OSR1: variants seen among roughly 807,000 people sequenced by gnomAD.
The protein encoded by OSR1 is odd-skipped related transcription factor 1.
OSR1 carries 3 observed loss-of-function variants against 15.7 expected under a neutral mutation model. The observed-to-expected ratio is 0.19, with a 90% CI of 0.09 to 0.50. The LOEUF (loss-of-function observed/expected upper bound fraction) is 0.50. OSR1 is among the 20% of genes least tolerant of loss of function. OSR1 has a pLI of 0.97. For synonymous variants in OSR1, 166 were observed against 152.7 expected, an observed-to-expected ratio of 1.09 and a Z score of -0.64; for missense variants, 271 against 351.1, an observed-to-expected ratio of 0.77 and a Z score of 1.82.
At chr2:19,348,356 G>C (rs372579040), downstream of OSR1, 1 of 154,432 alleles carries the variant, frequency 6.5e-6, no homozygotes, top group East Asian at 1.9e-4. Context: ...ATGTTAGCCC[G>C]AGGCGGGGCC....
intron 2 of OSR1, among the ~76,000 whole-genome samples, chr2:19,352,764 G>C (rs1442081227): frequency 6.6e-6 from 1 of 152,206 alleles, no homozygotes; most frequent in Non-Finnish European, 1.5e-5. Context: ...CCGCTAGCAT[G>C]TGTGCTTATT....
At chr2:19,345,921 G>C in the OSR1 span, among the ~76,000 whole-genome samples, 1 of 152,172 alleles carries the variant, frequency 6.6e-6, no homozygotes, top group Non-Finnish European at 1.5e-5. Flanking sequence ...CAAATTCTCT[G>C]GAAGTTCATT....
chr2:19,354,532 C>T (rs1368527337), intron 1 of OSR1: 2 of 152,176 alleles, frequency 1.3e-5, no homozygotes, highest in African/African-American at 4.8e-5. Flanking sequence ...GGCTGACCTT[C>T]GATTTGGCTT....
downstream of OSR1, among the ~76,000 whole-genome samples, chr2:19,349,567 A>G (rs1407171715): frequency 6.6e-6 from 1 of 152,180 alleles, no homozygotes; most frequent in African/African-American, 2.4e-5. Context: ...GGGTTTTCAC[A>G]GTGCTGGAGG....
At chr2:19,353,933 C>G (rs537519448) in intron 1 of OSR1, 96 bp from the exon 2 acceptor site, 1 of 1,004,312 alleles carries the variant, frequency 1.0e-6, no homozygotes, top group South Asian at 1.7e-5. Context: ...CACACCCTCT[C>G]CTCACACCCA....
intron 1 of OSR1, 21 bp from the exon 2 acceptor site, chr2:19,353,858 C>A: frequency 6.5e-7 from 1 of 1,541,628 alleles, no homozygotes; most frequent in Non-Finnish European, 8.8e-7. Flanking sequence ...AAGAAGAAGG[C>A]AGGGGCGTGG....
Position 19,358,605 on chromosome 2 carries a change from G to T in OSR1, c.-297C>A, listed in dbSNP as rs900763794. 1 of 152,224 alleles carries T rather than the reference G, an allele frequency of 6.6e-6. No individual in the cohort carries two copies. Among genetic ancestry groups the T allele is most frequent in the African/African-American group, 2.4e-5 (1 of 41,452 alleles). 9.4% of individuals were successfully genotyped at this position (152,224 alleles called of 1,614,324 possible). ...GCAGCTGAGAACGTGCCGGGGAGAG[G>T]CCGAGCTCCGACTCACTCATCCCTT... On this transcript the variant is annotated 5_prime_UTR_variant, in exon 1 of 3. Transcript: ENST00000272223.
At position 19,353,402 on chromosome 2, in the gene OSR1, C is replaced by T. The variant is rs1018830654; in HGVS notation, c.404G>A (p.Gly135Asp). Residue 135 changes from glycine to aspartate, a missense_variant, in exon 2 of 3, where the codon GGT becomes GAT. Gly to Asp is a moderately conservative substitution (Grantham distance 94). This residue lies in a region of OSR1 where 210 missense variants were observed against 218.4 expected (regional missense o/e 0.96). Transcript: ENST00000272223. ...AGGGGAGCCTGGGCCCTCCCCGCGA[C>T]CGAGCTTGGCCGGATCTTCTTGCGT... ...AATQEDPAKL[G>D]RGEGPGSPAG... 2.5e-6 allele frequency: 4 copies of T among 1,614,072 alleles called. No individual in the cohort carries two copies. The highest frequency in any genetic ancestry group is 2.5e-6 in the Non-Finnish European group (3 of 1,180,008).
the OSR1 span, among the ~76,000 whole-genome samples, chr2:19,346,011 T>A: frequency 6.6e-6 from 1 of 152,178 alleles, no homozygotes; most frequent in East Asian, 1.9e-4. Flanking sequence ...ATGCCCCCTA[T>A]AAAGTTTATC....
intron 2 of OSR1, 67 bp downstream of exon 2, chr2:19,353,074 C>T (rs1664871381): frequency 3.8e-6 from 6 of 1,563,746 alleles, no homozygotes; most frequent in African/African-American, 1.4e-5. Flanking sequence ...TCAAGAACCT[C>T]GTTAGGGAGA....
intron 1 of OSR1, 184 bp from the exon 2 acceptor site, chr2:19,354,021 G>C: frequency 1.7e-6 from 1 of 584,524 alleles, no homozygotes; most frequent in South Asian, 2.3e-5. Context: ...TAAGACGCAG[G>C]GGAGCCCTCT....
rs1465700251 is a variant in OSR1 at position 19,351,615 on chromosome 2, G to T, written c.*660C>A. On this transcript the variant is annotated 3_prime_UTR_variant, in exon 3 of 3. Coordinates refer to ENST00000272223, the MANE Select transcript of OSR1 (RefSeq NM_145260.3). The stretch of plus-strand genomic sequence containing the variant: ...CCGGCTCTTGGCTGGCTGCTCCCTC[G>T]CAGTGTCGCGGCAGCGGAGGCCGGG... The T allele has an allele frequency of 1.3e-5, 2 of 152,440 alleles. No homozygotes were observed. Among genetic ancestry groups the T allele is most frequent in the East Asian group, 3.9e-4 (2 of 5,188 alleles). The allele number at this position is 152,440 out of a possible 1,614,324, so 9.4% of individuals were successfully genotyped here.
chr2:19,353,302 A>G lies in OSR1; in HGVS notation c.504T>C (p.Pro168=), dbSNP rs1452835386. 6.2e-7 allele frequency: 1 copy of G among 1,614,238 alleles called. No homozygotes were observed. Among genetic ancestry groups the G allele is most frequent in the East Asian group, 2.2e-5 (1 of 44,872 alleles). The stretch of plus-strand genomic sequence containing the variant: ...AGACGAATTCCTTCTTGGTCTTGGA[A>G]GGCAGACGTCCCCTTGTGGGCTTCT... ...PEKKPTRGRL[P]SKTKKEFVCK... is the part of the protein sequence containing the mutation. The change falls in exon 2 of 3, where the codon CCT becomes CCC. Residue 168 remains proline, a synonymous_variant. Coordinates refer to ENST00000272223, the MANE Select transcript of OSR1 (RefSeq NM_145260.3).
downstream of OSR1, among the ~76,000 whole-genome samples, chr2:19,348,707 C>T (rs1282998044): frequency 6.6e-6 from 1 of 152,108 alleles, no homozygotes; most frequent in African/African-American, 2.4e-5. Flanking sequence ...GTCCCTAACC[C>T]CTAACTACAC....
At chr2:19,345,197 A>ATAT in the OSR1 span, among the ~76,000 whole-genome samples, 1 of 152,300 alleles carries the variant, frequency 6.6e-6, no homozygotes, top group African/African-American at 2.4e-5. Context: ...AAGATTCTGG[A>ATAT]TATTAGTCCT....
At position 19,352,244 on chromosome 2, in the gene OSR1, GCCTAGGGT is replaced by G; in HGVS notation, c.*23_*30del. ...TCCCTATGGAGGAGAGGGCCGCTGGGCCTAGGGTCCTTGTGACCCACAGGTTCTATTTA... is the reference window on the plus strand; with the variant it reads ...TCCCTATGGAGGAGAGGGCCGCTGGGCCTTGTGACCCACAGGTTCTATTTA... On this transcript the variant is annotated 3_prime_UTR_variant, in exon 3 of 3. Coordinates refer to ENST00000272223, the MANE Select transcript of OSR1 (RefSeq NM_145260.3). 1.2e-6 allele frequency: 2 copies of G among 1,612,598 alleles called. No individual in the cohort carries two copies. Among genetic ancestry groups the G allele is most frequent in the Non-Finnish European group, 1.7e-6 (2 of 1,178,976 alleles).
At chr2:19,347,068 A>C (rs554085952), downstream of OSR1, among the ~76,000 whole-genome samples, 65 of 152,312 alleles carry the variant, frequency 4.3e-4, no homozygotes, top group Admixed American at 3.3e-3. Flanking sequence ...CGGGGGTTTC[A>C]AGAAGTCCAC....
chr2:19,354,442 A>AT (rs1664910291), intron 1 of OSR1: 1 of 152,152 alleles, frequency 6.6e-6, no homozygotes, highest in African/African-American at 2.4e-5. Flanking sequence ...CATTGCACCC[A>AT]TGAAGAGCCT....
downstream of OSR1, chr2:19,348,639 A>T (rs1423220474): frequency 6.5e-6 from 1 of 154,212 alleles, no homozygotes; most frequent in Non-Finnish European, 1.5e-5. Context: ...GTCCCTCCCC[A>T]CAATGTGAGC....
Sources: allele counts gnomAD v4.1 joint callset (sites outside exome capture counted in the v4.1 genomes callset), GRCh38; gene constraint gnomAD v4.1.1; regional missense constraint gnomAD v4.1.1; transcripts MANE v1.5; gene names NCBI Gene and HGNC (gene_info 2026-07-23, HGNC 2026-07-21).